SYVN1: variants seen among roughly 807,000 people sequenced by gnomAD.
The protein encoded by SYVN1 is E3 ubiquitin-protein ligase synoviolin.
Under a neutral mutation model 62.6 loss-of-function variants are expected in SYVN1, and 17 were observed. That is an observed-to-expected ratio of 0.27 (90% confidence interval 0.19 to 0.41). The LOEUF is 0.41. SYVN1 is among the 10% of genes least tolerant of loss of function. The probability of loss-of-function intolerance (pLI) is 1.00; values close to 1 mark genes in which losing one functional copy is unlikely to be tolerated. For synonymous variants in SYVN1, 316 were observed against 304.0 expected, an observed-to-expected ratio of 1.04 and a Z score of -0.41; for missense variants, 634 against 818.0, an observed-to-expected ratio of 0.78 and a Z score of 2.74.
chr11:65,132,183 G>C, intron 6 of SYVN1, 65 bp downstream of exon 6: 1 of 1,275,290 alleles, frequency 7.8e-7, no homozygotes, highest in Non-Finnish European at 1.1e-6. Flanking sequence ...GGGTCTGTTG[G>C]GTTATTCAAG....
Position 65,131,004 on chromosome 11 carries a change from G to A in SYVN1, c.857C>T (p.Ala286Val). The change falls in exon 10 of 16, where the codon GCA becomes GTA. Residue 286 changes from alanine to valine, a missense_variant. Transcript: ENST00000377190. ...YPDATPEELQ[A>V]MDNVCIICRE... ...GCAGATGATGCAGACATTGTCCATTGCCTGGAGCTCCTCTGGGGTGGCATC... is the reference window on the plus strand; with the variant it reads ...GCAGATGATGCAGACATTGTCCATTACCTGGAGCTCCTCTGGGGTGGCATC... 1 of 1,614,136 alleles carries A rather than the reference G, an allele frequency of 6.2e-7. No homozygotes were observed. Among genetic ancestry groups the A allele is most frequent in the Non-Finnish European group, 8.5e-7 (1 of 1,180,020 alleles).
rs1948165098 is a variant in SYVN1, at chr11:65,130,643, G to C, written c.1105+17C>G. Reference sequence around the variant, plus strand: ...TATCCAGTGGTATGCCGGGTGGCCAGACAAGGGGATACTCACAGTTGGGGG... The same window carrying C: ...TATCCAGTGGTATGCCGGGTGGCCACACAAGGGGATACTCACAGTTGGGGG... On this transcript the variant is annotated intron_variant, in intron 11 of 15. Coordinates refer to ENST00000377190, the MANE Select transcript of SYVN1 (RefSeq NM_172230.3). The C allele has an allele frequency of 2.3e-6, 3 of 1,302,206 alleles. No homozygotes were observed. The highest frequency in any genetic ancestry group is 5.9e-5 in the Admixed American group (2 of 34,100). The allele number at this position is 1,302,206 out of a possible 1,614,324, so 80.7% of individuals were successfully genotyped here. A position where few individuals can be genotyped will look rare whatever the true frequency, so the allele number is the denominator to read the frequency against.
At position 65,132,361 on chromosome 11, in the gene SYVN1, C is replaced by A. The variant is rs748640734; in HGVS notation, c.428-10G>T. On this transcript the variant is annotated splice_polypyrimidine_tract_variant and intron_variant, in intron 5 of 15. Coordinates refer to ENST00000377190, the MANE Select transcript of SYVN1 (RefSeq NM_172230.3). ...AGGAGGAACATAAGAGCTGTGGGGA[C>A]CCCCACACATGCAGGGTGGGGGGGT... The A allele has an allele frequency of 1.9e-6, 3 of 1,591,080 alleles. No individual in the cohort carries two copies. The highest frequency in any genetic ancestry group is 2.6e-6 in the Non-Finnish European group (3 of 1,159,170).
Position 65,131,378 on chromosome 11 carries a change from G to T in SYVN1, c.659-5C>A, listed in dbSNP as rs565362134. ...ACAGCAGAACCTTGATGAAGCCTGA[G>T]GGGAGGGGATGCAGAAAGCAGCAGG... On this transcript the variant is annotated splice_region_variant and splice_polypyrimidine_tract_variant and intron_variant, in intron 7 of 15. Transcript: ENST00000377190. 1 of 1,614,000 alleles carries T rather than the reference G, an allele frequency of 6.2e-7. No individual in the cohort carries two copies. Among genetic ancestry groups the T allele is most frequent in the Admixed American group, 1.7e-5 (1 of 60,014 alleles).
chr11:65,131,361 A>C lies in SYVN1; in HGVS notation c.671T>G (p.Val224Gly). 1.2e-6 allele frequency: 2 copies of C among 1,614,034 alleles called. No individual in the cohort carries two copies. The highest frequency in any genetic ancestry group is 1.7e-6 in the Non-Finnish European group (2 of 1,179,974). The part of the protein sequence containing the change: ...YTELFTGFIK[V>G]LLYMAFMTIM... The stretch of plus-strand genomic sequence containing the variant: ...GGTCATGAAGGCCATGTACAGCAGA[A>C]CCTTGATGAAGCCTGAGGGGAGGGG... Residue 224 changes from valine to glycine, a missense_variant, in exon 8 of 16, where the codon GTT becomes GGT. Transcript: ENST00000377190.
chr11:65,132,517 G>A (rs1372264250), intron 5 of SYVN1, 166 bp from the exon 6 acceptor site: 3 of 749,994 alleles, frequency 4.0e-6, no homozygotes, highest in Non-Finnish European at 6.7e-6. Context: ...TGGGGGAGGG[G>A]GAGTTGTTGG....
chr11:65,130,358 G>A lies in SYVN1; in HGVS notation c.1127C>T (p.Pro376Leu). 1 of 1,545,240 alleles carries A rather than the reference G, an allele frequency of 6.5e-7. No homozygotes were observed. The highest frequency in any genetic ancestry group is 8.7e-7 in the Non-Finnish European group (1 of 1,147,410). The change falls in exon 12 of 16, where the codon CCT (proline) becomes CTT (leucine). Residue 376 changes from proline to leucine, a missense_variant. By Grantham distance (98) the Pro-to-Leu change is moderately conservative (BLOSUM62 -3). Around this residue, in one of 2 missense-constraint regions of SYVN1, gnomAD observed 351 missense variants for 373.3 expected, o/e 0.94. Coordinates refer to ENST00000377190, the MANE Select transcript of SYVN1 (RefSeq NM_172230.3). Reference protein sequence around the residue: ...PPNFPQGLLPPFPPGMFPLWP... With the variant: ...PPNFPQGLLPLFPPGMFPLWP... ...CAGTGGGAACATGCCTGGAGGAAAA[G>A]GAGGCAGGAGGCCCTGGGGGACTGC...
intron 13 of SYVN1, 30 bp downstream of exon 13, chr11:65,129,972 A>G: frequency 6.3e-7 from 1 of 1,599,454 alleles, no homozygotes; most frequent in Non-Finnish European, 8.5e-7. Flanking sequence ...CCTCACCCCC[A>G]AGAAGAACCC....
chr11:65,128,833 G>T, intron 14 of SYVN1, 119 bp from the exon 15 acceptor site: 2 of 1,106,634 alleles, frequency 1.8e-6, no homozygotes, highest in Non-Finnish European at 2.5e-6. Context: ...TGTGGCCCCA[G>T]TGCCTGGCAA....
At chr11:65,128,758 A>G in intron 14 of SYVN1, 44 bp from the exon 15 acceptor site, 2 of 1,542,164 alleles carry the variant, frequency 1.3e-6, no homozygotes, top group East Asian at 2.4e-5. Flanking sequence ...CTTGGCATCC[A>G]AGGTTGGGCA....
rs1424980135 is a variant in SYVN1 at position 65,131,590 on chromosome 11, T to C, written c.538A>G (p.Ile180Val). The part of the protein sequence containing the change: ...VQLVFGFEYA[I>V]LMTMVLTIFI... ...ATGGTGAGCACCATCGTCATCAGGATGGCATACTGAAGGGAGAGGGGGACG... is the reference window on the plus strand; with the variant it reads ...ATGGTGAGCACCATCGTCATCAGGACGGCATACTGAAGGGAGAGGGGGACG... Residue 180 changes from isoleucine (I) to valine (V), a missense_variant, in exon 7 of 16, where the codon ATC (isoleucine) becomes GTC (valine). This residue lies in a region of SYVN1 where 283 missense variants were observed against 444.7 expected (regional missense o/e 0.64). Coordinates refer to ENST00000377190, the MANE Select transcript of SYVN1 (RefSeq NM_172230.3). 9 of 1,613,504 alleles carry C rather than the reference T, an allele frequency of 5.6e-6. No individual in the cohort carries two copies. Among genetic ancestry groups the C allele is most frequent in the Non-Finnish European group, 7.6e-6 (9 of 1,179,948 alleles).
intron 1 of SYVN1, among the ~76,000 whole-genome samples, chr11:65,134,094 C>T (rs917059155): frequency 6.6e-6 from 1 of 152,228 alleles, no homozygotes; most frequent in Non-Finnish European, 1.5e-5. Context: ...GTGGGCAGTT[C>T]GGACGCCCGC....
intron 1 of SYVN1, chr11:65,134,181 A>G (rs1050898629): frequency 6.7e-6 from 1 of 148,604 alleles, no homozygotes; most frequent in African/African-American, 2.7e-5. Flanking sequence ...AACTCAGAGC[A>G]CCACAAAAAC....
Position 65,133,582 on chromosome 11 carries a change from A to G in SYVN1, c.20T>C (p.Met7Thr). The G allele has an allele frequency of 6.2e-7, 1 of 1,611,336 alleles. No individual in the cohort carries two copies. The highest frequency in any genetic ancestry group is 8.5e-7 in the Non-Finnish European group (1 of 1,180,006). Reference protein sequence around the residue: MFRTAVMMAASLALTGA... With the variant: MFRTAVTMAASLALTGA... ...GGTCAGCGCCAGGCTGGCCGCCATC[A>G]TCACTGCCGTGCGGAACATTGCCCT... is the stretch of plus-strand genomic sequence containing the variant. Residue 7 changes from methionine (M) to threonine (T), a missense_variant, in exon 2 of 16, where the codon ATG (methionine) becomes ACG (threonine). Met to Thr is a moderately conservative substitution (Grantham distance 81). Around this residue, in one of 2 missense-constraint regions of SYVN1, gnomAD observed 283 missense variants for 444.7 expected, o/e 0.64. Coordinates refer to ENST00000377190, the MANE Select transcript of SYVN1 (RefSeq NM_172230.3).
chr11:65,133,623 A>T lies in SYVN1; in HGVS notation c.-17-5T>A. On this transcript the variant is annotated splice_polypyrimidine_tract_variant and splice_region_variant and intron_variant, in intron 1 of 15. Transcript: ENST00000377190. Reference sequence around the variant, plus strand: ...ACATTGCCCTGGCCCGGAGACCTGCATGGGGCAAGAAAATAACTTATGTGA... The same window carrying T: ...ACATTGCCCTGGCCCGGAGACCTGCTTGGGGCAAGAAAATAACTTATGTGA... 6.2e-7 allele frequency: 1 copy of T among 1,603,868 alleles called. No homozygotes were observed. Among genetic ancestry groups the T allele is most frequent in the Non-Finnish European group, 8.5e-7 (1 of 1,178,706 alleles).
Position 65,128,590 on chromosome 11 carries a change from G to C in SYVN1, c.1720C>G (p.Pro574Ala), listed in dbSNP as rs754486998. The C allele has an allele frequency of 1.2e-6, 2 of 1,614,168 alleles. No individual in the cohort carries two copies. The highest frequency in any genetic ancestry group is 1.7e-6 in the Non-Finnish European group (2 of 1,180,030). ...ATTPTPGASP[P>A]APEMERPPAP... ...GGAGGCCTTTCCATTTCAGGGGCTG[G>C]TGGGGAGGCTCCTGGGGTTGGGGTC... Residue 574 changes from proline (P) to alanine (A), a missense_variant, in exon 15 of 16, where the codon CCA becomes GCA. Physicochemically the swap from Pro to Ala is conservative, Grantham distance 27 (BLOSUM62 -1). Around this residue, in one of 2 missense-constraint regions of SYVN1, gnomAD observed 351 missense variants for 373.3 expected, o/e 0.94. Coordinates refer to ENST00000377190, the MANE Select transcript of SYVN1 (RefSeq NM_172230.3).
rs765541880 is a variant in SYVN1 at position 65,131,379 on chromosome 11, G to A, written c.659-6C>T. Reference sequence around the variant, plus strand: ...CAGCAGAACCTTGATGAAGCCTGAGGGGAGGGGATGCAGAAAGCAGCAGGT... The same window carrying A: ...CAGCAGAACCTTGATGAAGCCTGAGAGGAGGGGATGCAGAAAGCAGCAGGT... On this transcript the variant is annotated splice_region_variant and splice_polypyrimidine_tract_variant and intron_variant, in intron 7 of 15. Coordinates refer to ENST00000377190, the MANE Select transcript of SYVN1 (RefSeq NM_172230.3). 3.7e-6 allele frequency: 6 copies of A among 1,613,840 alleles called. No homozygotes were observed. The highest frequency in any genetic ancestry group is 3.3e-5 in the Admixed American group (2 of 59,990).
chr11:65,128,707 G>A lies in SYVN1; in HGVS notation c.1603C>T (p.Arg535Trp), dbSNP rs562685230. Residue 535 changes from arginine to tryptophan, a missense_variant, in exon 15 of 16, where the codon CGG becomes TGG. Around this residue, in one of 2 missense-constraint regions of SYVN1, gnomAD observed 351 missense variants for 373.3 expected, o/e 0.94. Coordinates refer to ENST00000377190, the MANE Select transcript of SYVN1 (RefSeq NM_172230.3). ...LTVLASLGPP[R>W]PATSVNSTEE... ...GTGGAGTTGACTGAAGTGGCAGGCC[G>A]GGGGGGCCTGGGAAGAGAAGGGACG... The A allele has an allele frequency of 5.2e-5, 83 of 1,601,740 alleles. No homozygotes were observed. Among genetic ancestry groups the A allele is most frequent in the South Asian group, 3.7e-4 (33 of 89,988 alleles).
At chr11:65,132,523 G>A (rs1056273301) in intron 5 of SYVN1, 172 bp from the exon 6 acceptor site, 1 of 764,194 alleles carries the variant, frequency 1.3e-6, no homozygotes, top group Non-Finnish European at 2.2e-6. Context: ...AGGGGGAGTT[G>A]TTGGGGCTGC....
Sources: gnomAD v4.1 joint callset for allele counts (sites outside exome capture counted in the v4.1 genomes callset) on GRCh38, gnomAD v4.1.1 for gene constraint, gnomAD v4.1.1 regional missense constraint, MANE v1.5 for transcripts, NCBI Gene and HGNC (gene_info 2026-07-23, HGNC 2026-07-21) for gene names.